The following PIK3C2G variants were observed in gnomAD, a reference collection of about 807,000 sequenced individuals.
PIK3C2G encodes phosphatidylinositol-4-phosphate 3-kinase catalytic subunit type 2 gamma.
Under a neutral mutation model 181.1 loss-of-function variants are expected in PIK3C2G, and 168 were observed. The ratio of observed to expected loss-of-function variants is 0.93; its 90% confidence interval spans 0.82 to 1.05. The LOEUF is 1.05. Ranked by LOEUF, PIK3C2G falls within the 50% of genes least tolerant of loss-of-function variation. PIK3C2G has a pLI of 0.00. For synonymous variants in PIK3C2G, 573 were observed against 592.2 expected, an observed-to-expected ratio of 0.97 and a Z score of 0.47; for missense variants, 1,869 against 1,732.8, an observed-to-expected ratio of 1.08 and a Z score of -1.40.
intron 21 of PIK3C2G, among the ~76,000 whole-genome samples, chr12:18,496,933 G>A (rs1159747242): frequency 6.6e-6 from 1 of 152,024 alleles, no homozygotes; most frequent in Non-Finnish European, 1.5e-5. Context: ...TATCTTGGCA[G>A]GATTTTCCGT....
At chr12:18,700,538 A>AAAAAG in the PIK3C2G span, among the ~76,000 whole-genome samples, 31 of 135,890 alleles carry the variant, frequency 2.3e-4, no homozygotes, top group African/African-American at 4.6e-4. Flanking sequence ...AAAAAAAAAT[A>AAAAAG]GTTGCTCTGC....
chr12:18,283,338 T>A (rs1949306201), intron 2 of PIK3C2G, among the ~76,000 whole-genome samples: 1 of 152,086 alleles, frequency 6.6e-6, no homozygotes, highest in Non-Finnish European at 1.5e-5. Context: ...TAACCAGAGT[T>A]TTTTCTGTAT....
At chr12:18,612,704 G>A (rs577591226) in intron 31 of PIK3C2G, among the ~76,000 whole-genome samples, 1 of 151,900 alleles carries the variant, frequency 6.6e-6, no homozygotes. Context: ...GTTATTTGTC[G>A]ATCCTTTAGT....
chr12:18,493,180 C>T (rs1349484103), intron 20 of PIK3C2G: 5 of 152,226 alleles, frequency 3.3e-5, no homozygotes, highest in Non-Finnish European at 7.3e-5. Flanking sequence ...TCCTTATAAG[C>T]ATGATGAATG....
intron 26 of PIK3C2G, among the ~76,000 whole-genome samples, chr12:18,549,353 T>C (rs926260196): frequency 6.6e-6 from 1 of 151,954 alleles, no homozygotes. Context: ...AATTTAAACA[T>C]CAAATATCAA....
At chr12:18,559,332 T>C (rs530408547) in intron 26 of PIK3C2G, among the ~76,000 whole-genome samples, 1 of 151,902 alleles carries the variant, frequency 6.6e-6, no homozygotes, top group Non-Finnish European at 1.5e-5. Context: ...CTAAGAACCA[T>C]ACAATAAAAG....
intron 29 of PIK3C2G, among the ~76,000 whole-genome samples, chr12:18,576,082 A>G (rs905017688): frequency 2.0e-5 from 3 of 152,274 alleles, no homozygotes; most frequent in Admixed American, 6.5e-5. Flanking sequence ...TATATTTTAT[A>G]CACAAACTAC....
chr12:18,435,814 A>C, intron 18 of PIK3C2G, among the ~76,000 whole-genome samples: 1 of 152,014 alleles, frequency 6.6e-6, no homozygotes, highest in East Asian at 1.9e-4. Flanking sequence ...ACTCAGCTCA[A>C]GATTTTATCC....
chr12:18,536,779 A>G (rs953059513), intron 24 of PIK3C2G, among the ~76,000 whole-genome samples: 2 of 152,094 alleles, frequency 1.3e-5, no homozygotes, highest in African/African-American at 2.4e-5. Context: ...TTCATAGAAT[A>G]TAGGTTGGAT....
chr12:18,393,019 A>C (rs1205448579), intron 15 of PIK3C2G, among the ~76,000 whole-genome samples: 3 of 152,144 alleles, frequency 2.0e-5, no homozygotes, highest in Non-Finnish European at 4.4e-5. Flanking sequence ...TGTGTTCAAC[A>C]AGTGTGCCAC....
intron 15 of PIK3C2G, among the ~76,000 whole-genome samples, chr12:18,397,989 A>T (rs924042209): frequency 3.3e-5 from 5 of 152,174 alleles, no homozygotes; most frequent in African/African-American, 9.6e-5. Context: ...TAATTTCAAA[A>T]ACATTATATG....
intron 16 of PIK3C2G, among the ~76,000 whole-genome samples, chr12:18,401,106 C>A (rs1944228158): frequency 6.6e-6 from 1 of 152,098 alleles, no homozygotes; most frequent in Admixed American, 6.5e-5. Context: ...CAAGGCAAAA[C>A]AGATCATCTC....
intron 4 of PIK3C2G, among the ~76,000 whole-genome samples, chr12:18,291,636 T>A (rs1949694862): frequency 6.6e-6 from 1 of 152,202 alleles, no homozygotes; most frequent in Non-Finnish European, 1.5e-5. Context: ...TGCAAAACAG[T>A]ATTAGCTCTT....
chr12:18,416,385 T>C (rs574765945), intron 16 of PIK3C2G, among the ~76,000 whole-genome samples: 1 of 152,350 alleles, frequency 6.6e-6, no homozygotes, highest in East Asian at 1.9e-4. Flanking sequence ...CATTGAAGAC[T>C]GTGGCTACAC....
chr12:18,661,965 C>T, the PIK3C2G span, among the ~76,000 whole-genome samples: 1 of 152,156 alleles, frequency 6.6e-6, no homozygotes, highest in South Asian at 2.1e-4. Flanking sequence ...ATATCATTTG[C>T]AGAAACATGA....
At chr12:18,263,490 T>C (rs1247386450) in intron 1 of PIK3C2G, among the ~76,000 whole-genome samples, 4 of 152,152 alleles carry the variant, frequency 2.6e-5, no homozygotes, top group South Asian at 2.1e-4. Flanking sequence ...TGATGTGAGA[T>C]TACTATTACT....
chr12:18,399,000 C>T (rs2138115726), intron 15 of PIK3C2G, among the ~76,000 whole-genome samples: 1 of 151,510 alleles, frequency 6.6e-6, no homozygotes, highest in African/African-American at 2.4e-5. Context: ...TCGAGACCAT[C>T]CCGGCTAAAA....
At chr12:18,622,613 G>A (rs1948910747) in intron 31 of PIK3C2G, among the ~76,000 whole-genome samples, 1 of 151,764 alleles carries the variant, frequency 6.6e-6, no homozygotes, top group African/African-American at 2.4e-5. Flanking sequence ...CTTGTTTTTA[G>A]TTTCTGAGGA....
chr12:18,258,442 C>A (rs1248753922), upstream of PIK3C2G, among the ~76,000 whole-genome samples: 3 of 152,038 alleles, frequency 2.0e-5, no homozygotes, highest in African/African-American at 7.2e-5. Flanking sequence ...TCCCCAGTCT[C>A]CCTCCCACAG....
Sources: gnomAD v4.1 joint callset for allele counts (sites outside exome capture counted in the v4.1 genomes callset) on GRCh38, gnomAD v4.1.1 for gene constraint, MANE v1.5 for transcripts, NCBI Gene and HGNC (gene_info 2026-07-23, HGNC 2026-07-21) for gene names.